Variants in PHF14 observed in about 807,000 individuals in gnomAD.
The protein encoded by PHF14 is PHD finger protein 14.
PHF14 carries 55 observed loss-of-function variants against 117.9 expected under a neutral mutation model. The observed-to-expected ratio is 0.47, with a 90% CI of 0.38 to 0.58. PHF14 has a LOEUF of 0.58. Among genes scored for constraint, PHF14 ranks in the 20% least tolerant of loss-of-function variants. The pLI, the probability that PHF14 is intolerant of heterozygous loss-of-function variation, is 0.00. For synonymous variants in PHF14, 409 were observed against 368.6 expected (o/e 1.11, Z -1.26); for missense variants, 978 against 1,122.2 (o/e 0.87, Z 1.84).
chr7:10,994,081 A>T (rs1443196241), intron 4 of PHF14, among the ~76,000 whole-genome samples: 3 of 152,028 alleles, frequency 2.0e-5, no homozygotes, highest in Non-Finnish European at 4.4e-5. Flanking sequence ...GACCTGAAGG[A>T]AGTAAAGGAG....
chr7:11,078,934 A>G (rs1184412722), intron 16 of PHF14, among the ~76,000 whole-genome samples: 2 of 152,130 alleles, frequency 1.3e-5, no homozygotes, highest in Non-Finnish European at 2.9e-5. Flanking sequence ...TATTATCTAC[A>G]TAAGTATTTT....
chr7:11,049,019 A>G (rs961444281), intron 13 of PHF14, among the ~76,000 whole-genome samples: 1 of 152,220 alleles, frequency 6.6e-6, no homozygotes, highest in Non-Finnish European at 1.5e-5. Flanking sequence ...ATGTCCTGAC[A>G]AGGGTAATTG....
At chr7:11,006,294 A>G (rs532007444) in intron 4 of PHF14, 6 of 396,298 alleles carry the variant, frequency 1.5e-5, no homozygotes, top group Admixed American at 9.6e-5. Context: ...CATTTGCCAC[A>G]TTTTGTTTTC....
chr7:10,992,708 A>G (rs929266062), intron 4 of PHF14, among the ~76,000 whole-genome samples: 2 of 152,144 alleles, frequency 1.3e-5, no homozygotes, highest in African/African-American at 4.8e-5. Flanking sequence ...ACATAACCAC[A>G]TAATTATCAA....
At chr7:11,122,360 C>T (rs1451370471) in intron 17 of PHF14, among the ~76,000 whole-genome samples, 1,061 of 79,644 alleles carry the variant, frequency 0.013, 23 homozygotes, top group African/African-American at 0.059. Flanking sequence ...TATACACACA[C>T]ACACACACAC....
At chr7:11,146,418 G>A (rs534534527) in intron 17 of PHF14, among the ~76,000 whole-genome samples, 1 of 152,044 alleles carries the variant, frequency 6.6e-6, no homozygotes, top group Non-Finnish European at 1.5e-5. Flanking sequence ...CTGGACTATG[G>A]CAAAATTTCT....
chr7:11,015,754 G>C (rs1471818717), intron 5 of PHF14, among the ~76,000 whole-genome samples: 2 of 151,372 alleles, frequency 1.3e-5, no homozygotes, highest in East Asian at 3.9e-4. Context: ...GCTGCTACTA[G>C]TGCTTTCTTA....
chr7:11,032,117 T>C (rs1481292244), intron 7 of PHF14, among the ~76,000 whole-genome samples: 6 of 152,016 alleles, frequency 3.9e-5, no homozygotes, highest in African/African-American at 1.4e-4. Flanking sequence ...ATGTAAAAAT[T>C]AGCCAGGTGT....
In PHF14 at chr7:10,999,189, C is replaced by A. The variant is rs1271709855; in HGVS notation, c.1045+8342C>A. Among the ~76,000 whole-genome samples, 3 of 152,182 alleles carry A rather than the reference C, an allele frequency of 2.0e-5. No homozygotes were observed. In the East Asian group the frequency reaches 5.8e-4, roughly 29 times the overall value. On this transcript the variant is annotated intron_variant, in intron 4 of 17. Transcript: ENST00000634607. ...ATATGCCTGCCCTTGCAGTAGTTTT[C>A]ACTTTCTTCTAGCACAATCTGCTGG...
chr7:11,111,150 AT>A, intron 16 of PHF14, 199 bp from the exon 17 acceptor site: 2 of 450,316 alleles, frequency 4.4e-6, no homozygotes, highest in Non-Finnish European at 7.9e-6. Flanking sequence ...TTGCTGTTGT[AT>A]TTTGTTTTTG....
intron 17 of PHF14, among the ~76,000 whole-genome samples, chr7:11,163,990 G>T (rs561619723): frequency 6.6e-6 from 1 of 152,100 alleles, no homozygotes; most frequent in East Asian, 1.9e-4. Flanking sequence ...ACTTTTAAAA[G>T]AAACATTATT....
chr7:11,067,400 A>G (rs1785459600), intron 16 of PHF14, among the ~76,000 whole-genome samples: 1 of 152,184 alleles, frequency 6.6e-6, no homozygotes, highest in Non-Finnish European at 1.5e-5. Flanking sequence ...ACTAGGGAAA[A>G]CAGTATTTTA....
At chr7:11,089,250 G>T (rs2995884) in intron 16 of PHF14, among the ~76,000 whole-genome samples, 73,552 of 152,042 alleles carry the variant, frequency 0.48, 18,494 homozygotes, top group East Asian at 0.85. Context: ...GTTATCAGCT[G>T]TTTGCGTATG....
intron 3 of PHF14, among the ~76,000 whole-genome samples, chr7:10,985,021 C>G (rs1329577653): frequency 6.6e-6 from 1 of 152,092 alleles, no homozygotes; most frequent in African/African-American, 2.4e-5. Context: ...ATTTTCCCCT[C>G]AATTCTATTA....
intron 5 of PHF14, among the ~76,000 whole-genome samples, chr7:11,020,219 G>T (rs1783686833): frequency 6.6e-6 from 1 of 151,928 alleles, no homozygotes; most frequent in Admixed American, 6.6e-5. Context: ...TTCCTGAGTA[G>T]TGCAGGTTAT....
At chr7:11,135,989 T>TA (rs199909426) in intron 17 of PHF14, among the ~76,000 whole-genome samples, 3 of 152,242 alleles carry the variant, frequency 2.0e-5, no homozygotes, top group South Asian at 2.1e-4. Flanking sequence ...TAACTGGTAT[T>TA]AAAAAAAGAA....
intron 16 of PHF14, among the ~76,000 whole-genome samples, chr7:11,079,872 A>G (rs760458190): frequency 2.6e-5 from 4 of 152,064 alleles, no homozygotes; most frequent in Admixed American, 2.0e-4. Context: ...CATAAATGAC[A>G]TGTCAATAAT....
chr7:10,987,780 T>C (rs558611239), intron 3 of PHF14, among the ~76,000 whole-genome samples: 3 of 152,214 alleles, frequency 2.0e-5, no homozygotes, highest in East Asian at 1.9e-4. Flanking sequence ...TTCAGAAATA[T>C]ACTAACAACA....
chr7:11,036,340 A>G (rs565660175), intron 8 of PHF14, 78 bp from the exon 9 acceptor site: 12 of 1,219,558 alleles, frequency 9.8e-6, no homozygotes, highest in Non-Finnish European at 1.3e-5. Flanking sequence ...GAACATGGGA[A>G]TAAAAATCAA....
Sources: allele counts gnomAD v4.1 joint callset (sites outside exome capture counted in the v4.1 genomes callset), GRCh38; gene constraint gnomAD v4.1.1; transcripts MANE v1.5; gene names NCBI Gene and HGNC (gene_info 2026-07-23, HGNC 2026-07-21).